The following TRPM1 variants were observed in gnomAD, a reference collection of about 807,000 sequenced individuals.
TRPM1 encodes TRPM1-203 APA Isoform, Intron 10.
Under a neutral mutation model 149.4 loss-of-function variants are expected in TRPM1, and 113 were observed. The observed-to-expected ratio is 0.76, with a 90% confidence interval of 0.65 to 0.88. The LOEUF (loss-of-function observed/expected upper bound fraction) is 0.88, where lower values mean the gene tolerates loss of function less well. TRPM1 is among the 40% of genes least tolerant of loss of function. The pLI is 0.00. For synonymous variants in TRPM1, 741 were observed against 759.5 expected (o/e 0.98, Z 0.40); for missense variants, 1,976 against 2,038.7 (o/e 0.97, Z 0.59).
At chr15:31,012,616 GAGTTCATTGAGCTTCTTGGATAT>G (rs1182907712) in intron 27 of TRPM1, among the ~76,000 whole-genome samples, 15 of 152,230 alleles carry the variant, frequency 9.9e-5, no homozygotes, top group South Asian at 6.2e-4. Flanking sequence ...ATCCTACTTG[GAGTTCATTGAGCTTCTTGGATAT>G]GTAGATTCGT....
intron 27 of TRPM1, among the ~76,000 whole-genome samples, chr15:31,015,639 T>C (rs1427434914): frequency 2.0e-5 from 3 of 152,108 alleles, no homozygotes; most frequent in Non-Finnish European, 4.4e-5. Context: ...CATTGCAGTG[T>C]TGAATGCAAT....
At chr15:31,069,639 G>T in intron 4 of TRPM1, 1 of 1,359,028 alleles carries the variant, frequency 7.4e-7, no homozygotes, top group Non-Finnish European at 9.4e-7. Context: ...GGAAGCTGTG[G>T]ACAGACCTCA....
chr15:31,021,515 G>A (rs2032549777), intron 27 of TRPM1, among the ~76,000 whole-genome samples: 1 of 152,102 alleles, frequency 6.6e-6, no homozygotes, highest in South Asian at 2.1e-4. Flanking sequence ...GGGCAACATA[G>A]TGAGATCCTG....
At chr15:31,087,630 C>A (rs2035040183) in intron 1 of TRPM1, among the ~76,000 whole-genome samples, 1 of 152,120 alleles carries the variant, frequency 6.6e-6, no homozygotes, top group African/African-American at 2.4e-5. Flanking sequence ...GCCAGGTTTT[C>A]ATCGACAGAT....
intron 1 of TRPM1, among the ~76,000 whole-genome samples, chr15:31,116,362 C>G (rs1368675773): frequency 6.6e-6 from 1 of 152,166 alleles, no homozygotes; most frequent in Non-Finnish European, 1.5e-5. Flanking sequence ...AGTCCCAGCA[C>G]TTTGGGAGGC....
chr15:31,109,397 G>GA (rs912531827), intron 1 of TRPM1, among the ~76,000 whole-genome samples: 1 of 120,374 alleles, frequency 8.3e-6, no homozygotes, highest in African/African-American at 3.0e-5. Flanking sequence ...AAAGAAAAAA[G>GA]AAAAAATAGA....
intron 1 of TRPM1, among the ~76,000 whole-genome samples, chr15:31,135,888 C>T (rs1040314266): frequency 1.3e-5 from 2 of 152,104 alleles, no homozygotes; most frequent in East Asian, 1.9e-4. Context: ...ATACAGCCTG[C>T]AGAACTGTGA....
At chr15:31,063,013 T>C (rs1239450991) in intron 8 of TRPM1, 105 bp downstream of exon 8, 21 of 1,474,058 alleles carry the variant, frequency 1.4e-5, no homozygotes, top group Non-Finnish European at 1.9e-5. Flanking sequence ...ATCTTCCTGA[T>C]TTAAACACGT....
chr15:31,122,816 AG>A (rs1205951601), intron 1 of TRPM1, among the ~76,000 whole-genome samples: 1 of 152,228 alleles, frequency 6.6e-6, no homozygotes, highest in Non-Finnish European at 1.5e-5. Flanking sequence ...TATTTGGGTC[AG>A]GGGGGATACT....
chr15:31,112,727 T>C (rs2035708000), intron 1 of TRPM1, among the ~76,000 whole-genome samples: 1 of 152,172 alleles, frequency 6.6e-6, no homozygotes, highest in African/African-American at 2.4e-5. Context: ...AGCTCAGGCA[T>C]TCTCAACAAA....
At chr15:31,027,422 A>C (rs972770885) in intron 25 of TRPM1, among the ~76,000 whole-genome samples, 1 of 152,246 alleles carries the variant, frequency 6.6e-6, no homozygotes, top group African/African-American at 2.4e-5. Context: ...TAGCGGTATA[A>C]GCCATTTAAC....
chr15:31,145,425 G>T (rs973953404), intron 1 of TRPM1, among the ~76,000 whole-genome samples: 1 of 152,056 alleles, frequency 6.6e-6, no homozygotes, highest in Non-Finnish European at 1.5e-5. Flanking sequence ...TTCACAATCC[G>T]TATCTTCTGT....
chr15:31,041,170 T>G (rs1171054090), intron 17 of TRPM1, among the ~76,000 whole-genome samples: 1 of 152,050 alleles, frequency 6.6e-6, no homozygotes, highest in Non-Finnish European at 1.5e-5. Flanking sequence ...TTTTTTTTTT[T>G]TTGAGATGGA....
chr15:31,049,466 T>C lies in TRPM1; in HGVS notation c.1481A>G (p.Asp494Gly). Residue 494 changes from aspartate to glycine, a missense_variant, in exon 13 of 28, where the codon GAT becomes GGT. Physicochemically the swap from Asp to Gly is moderately conservative, Grantham distance 94. Transcript: ENST00000256552. ...CAGGAGCTTCACAAAGTCGACACGA[T>C]CTAAGACTAAAGCATCTAGCATCGC... is the stretch of plus-strand genomic sequence containing the variant. ...EQAMLDALVL[D>G]RVDFVKLLIE... is the part of the protein sequence containing the mutation. 6.2e-7 allele frequency: 1 copy of C among 1,614,162 alleles called. No individual in the cohort carries two copies. The highest frequency in any genetic ancestry group is 8.5e-7 in the Non-Finnish European group (1 of 1,180,036).
At chr15:31,010,668 T>C (rs762917996) in intron 27 of TRPM1, among the ~76,000 whole-genome samples, 1 of 152,214 alleles carries the variant, frequency 6.6e-6, no homozygotes, top group Non-Finnish European at 1.5e-5. Context: ...TTTTAAAACT[T>C]ATTGAGACTT....
Position 31,002,006 on chromosome 15 carries a change from A to G in TRPM1, c.4694T>C (p.Leu1565Ser), listed in dbSNP as rs2031784574. Residue 1565 changes from leucine (L) to serine (S), a missense_variant, in exon 28 of 28, where the codon TTG becomes TCG. Leu to Ser is a moderately radical substitution (Grantham distance 145). Coordinates refer to ENST00000256552, the MANE Select transcript of TRPM1 (RefSeq NM_001252024.2). ...TTTTGACCTGAGAGATGGGAATCCC[A>G]AAGTTTGATCTGGCTTCACAGACAG... is the stretch of plus-strand genomic sequence containing the variant. ...NLLSVKPDQT[L>S]GFPSLRSKSL... is the part of the protein sequence containing the mutation. The G allele has an allele frequency of 2.5e-6, 4 of 1,614,218 alleles. No homozygotes were observed. The highest frequency in any genetic ancestry group is 3.4e-6 in the Non-Finnish European group (4 of 1,180,028).
rs117683156 is a variant in TRPM1, at chr15:31,113,696, T to C, written c.55-36712A>G. ...CCACGTTTTAAGACTACTGTGCCCATAGTTAGTTCATTCCGGTGGATTTCT... is the reference window on the plus strand; with the variant it reads ...CCACGTTTTAAGACTACTGTGCCCACAGTTAGTTCATTCCGGTGGATTTCT... On this transcript the variant is annotated intron_variant, in intron 1 of 26. Coordinates refer to the TRPM1 transcript ENST00000542188. Among the ~76,000 whole-genome samples, 189 of 152,132 alleles carry C rather than the reference T, an allele frequency of 1.2e-3. 1 individual carries two copies. In the East Asian group the frequency reaches 0.029, roughly 23 times the overall value.
intron 20 of TRPM1, among the ~76,000 whole-genome samples, chr15:31,036,208 C>G (rs1284957025): frequency 6.6e-6 from 1 of 152,046 alleles, no homozygotes; most frequent in African/African-American, 2.4e-5. Flanking sequence ...GGGCCCCTAT[C>G]TCTGTGGCAG....
At chr15:31,102,652 T>A (rs143931637), upstream of TRPM1, among the ~76,000 whole-genome samples, 53 of 152,274 alleles carry the variant, frequency 3.5e-4, no homozygotes, top group African/African-American at 1.3e-3. Context: ...CTGGGCTCAC[T>A]CCCCCACCCA....
Sources: gnomAD v4.1 joint callset for allele counts (sites outside exome capture counted in the v4.1 genomes callset) on GRCh38, gnomAD v4.1.1 for gene constraint, MANE v1.5 for transcripts, NCBI Gene and HGNC (gene_info 2026-07-23, HGNC 2026-07-21) for gene names.